DMD: variants seen among roughly 807,000 people sequenced by gnomAD.
DMD encodes the protein mutant dystrophin.
Under a neutral mutation model 330.1 loss-of-function variants are expected in DMD, and 63 were observed. The observed-to-expected ratio is 0.19, with a 90% CI of 0.16 to 0.24. DMD has a LOEUF of 0.24. DMD is among the 10% of genes least tolerant of loss of function. DMD has a pLI of 1.00. For synonymous variants in DMD, 1,223 were observed against 959.8 expected (o/e 1.27, Z -5.07); for missense variants, 3,344 against 2,684.1 (o/e 1.25, Z -5.43).
chrX:31,844,638 T>C (rs918520182), intron 48 of DMD, among the ~76,000 whole-genome samples: 1 of 111,988 alleles, frequency 8.9e-6, no homozygotes, highest in Non-Finnish European at 1.9e-5. Context: ...TTTAATGATA[T>C]TGATTCTTCC....
In DMD at chrX:31,120,673, T is replaced by TAAAG. The variant is rs1259930540; in HGVS notation, c.*1242_*1245dup. On this transcript the variant is annotated 3_prime_UTR_variant, in exon 79 of 79. Coordinates refer to ENST00000357033, the MANE Select transcript of DMD (RefSeq NM_004006.3). ...ATGAACAATCATCCAATCCTTCACT[T>TAAAG]AAAGAGTGGCCTACTCCTTCACAGG... 3.6e-5 allele frequency: 4 copies of TAAAG among 111,300 alleles called. No individual in the cohort carries two copies. Among genetic ancestry groups the TAAAG allele is most frequent in the Admixed American group, 9.6e-5 (1 of 10,407 alleles). 9.2% of individuals were successfully genotyped at this position (111,300 alleles called of 1,213,427 possible). A position where few individuals can be genotyped will look rare whatever the true frequency, so the allele number is the denominator to read the frequency against.
chrX:31,862,156 T>C (rs902809645), intron 48 of DMD, among the ~76,000 whole-genome samples: 1 of 110,660 alleles, frequency 9.0e-6, no homozygotes, highest in East Asian at 2.8e-4. Context: ...TTATTAAAGA[T>C]GGAGTCTTGC....
At chrX:31,123,069 A>T (rs1340614748) in intron 78 of DMD, among the ~76,000 whole-genome samples, 1 of 111,229 alleles carries the variant, frequency 9.0e-6, no homozygotes, top group Non-Finnish European at 1.9e-5. Context: ...ATACCAATAA[A>T]AATTAAAGAT....
chrX:31,934,386 A>G (rs755710), intron 45 of DMD, among the ~76,000 whole-genome samples: 10,539 of 111,549 alleles, frequency 0.094, 360 homozygotes, highest in African/African-American at 0.11. Context: ...GGGACACGTA[A>G]AGTTACATTC....
rs1054736719 is a variant in DMD at position 33,223,951 on chromosome X, T to C, written c.7+115308A>G. On this transcript the variant is annotated intron_variant, in intron 1 of 17. Transcript: ENST00000288447. The stretch of plus-strand genomic sequence containing the variant: ...TTAACAGATAACTCACCAAAGAAGA[T>C]ATACAGATGGAAAACAGGCGTATGA... Among the ~76,000 whole-genome samples, 3 of 112,201 alleles carry C rather than the reference T, an allele frequency of 2.7e-5. No individual in the cohort carries two copies. The Admixed American group carries it at 2.8e-4, about 11-fold the overall frequency.
At chrX:32,585,935 T>G (rs1162588909) in intron 13 of DMD, among the ~76,000 whole-genome samples, 1 of 109,647 alleles carries the variant, frequency 9.1e-6, no homozygotes, top group Non-Finnish European at 1.9e-5. Flanking sequence ...TAACACCCTA[T>G]TGGCCAAATG....
intron 2 of DMD, among the ~76,000 whole-genome samples, chrX:32,857,074 CAA>C (rs754732939): frequency 1.3e-5 from 1 of 77,706 alleles, no homozygotes; most frequent in African/African-American, 4.9e-5. Flanking sequence ...GACTGCGTCT[CAA>C]AAAAAAAAAA....
chrX:31,650,971 A>G (rs756149814), intron 54 of DMD, among the ~76,000 whole-genome samples: 2 of 112,039 alleles, frequency 1.8e-5, no homozygotes, highest in East Asian at 5.6e-4. Context: ...AAATCTACAA[A>G]GGATGAAGAG....
At chrX:32,514,235 G>GAA (rs35838995) in intron 18 of DMD, among the ~76,000 whole-genome samples, 10,680 of 77,091 alleles carry the variant, frequency 0.14, 711 homozygotes, top group Middle Eastern at 0.21. Flanking sequence ...AAGGCAGGTG[G>GAA]AAAAAAAAAA....
At chrX:31,759,785 A>T (rs1354877044) in intron 51 of DMD, among the ~76,000 whole-genome samples, 1 of 111,882 alleles carries the variant, frequency 8.9e-6, no homozygotes, top group African/African-American at 3.2e-5. Context: ...GGCTGCTTGG[A>T]CCCTGGTAGG....
At chrX:32,868,816 T>C (rs1367708025) in intron 2 of DMD, among the ~76,000 whole-genome samples, 4 of 112,086 alleles carry the variant, frequency 3.6e-5, no homozygotes, top group Non-Finnish European at 7.5e-5. Flanking sequence ...ACTTAGTCTT[T>C]ACCCTGCTGG....
At chrX:32,448,958 A>G (rs1006445941) in intron 26 of DMD, among the ~76,000 whole-genome samples, 1 of 111,206 alleles carries the variant, frequency 9.0e-6, no homozygotes, top group Non-Finnish European at 1.9e-5. Flanking sequence ...CAAGAAACAA[A>G]TATTTCAATA....
chrX:32,790,096 G>A (rs1288939626), intron 7 of DMD, among the ~76,000 whole-genome samples: 1 of 111,290 alleles, frequency 9.0e-6, no homozygotes, highest in African/African-American at 3.3e-5. Flanking sequence ...AAAAATCTGG[G>A]GCTTCAAAAT....
At chrX:32,224,927 A>G (rs1279376316) in intron 43 of DMD, among the ~76,000 whole-genome samples, 1 of 111,571 alleles carries the variant, frequency 9.0e-6, no homozygotes. Context: ...CACTTATTGC[A>G]TTCTGAATAA....
chrX:32,033,683 AAGAAAG>A (rs1290756141), intron 44 of DMD, among the ~76,000 whole-genome samples: 11 of 109,143 alleles, frequency 1.0e-4, no homozygotes, highest in African/African-American at 3.7e-4. Flanking sequence ...GAAGGAAAGA[AAGAAAG>A]AGAAAGAAAG....
Position 31,294,604 on chromosome X carries a change from C to CT in DMD, c.9224+28993dup, listed in dbSNP as rs996695798. On this transcript the variant is annotated intron_variant, in intron 62 of 78. Transcript: ENST00000357033. ...TTCCTCTTACATTTCACAATTTTAT[C>CT]TCCTCACATTTGAGTAAACGTACTT... is the stretch of plus-strand genomic sequence containing the variant. Among the ~76,000 whole-genome samples the CT allele has an allele frequency of 5.3e-5, 6 of 112,249 alleles. No homozygotes were observed. The Admixed American group carries it at 5.7e-4, about 11-fold the overall frequency.
chrX:32,854,734 C>A (rs907366369), intron 2 of DMD, among the ~76,000 whole-genome samples: 2 of 111,227 alleles, frequency 1.8e-5, no homozygotes, highest in African/African-American at 3.3e-5. Flanking sequence ...AAGCCCGAGA[C>A]CTGATGGCTT....
intron 18 of DMD, among the ~76,000 whole-genome samples, chrX:32,514,574 T>C (rs2045663594): frequency 9.0e-6 from 1 of 111,656 alleles, no homozygotes; most frequent in Non-Finnish European, 1.9e-5. Context: ...ACCCCGTCTC[T>C]ACTAAAAATA....
intron 59 of DMD, 62 bp downstream of exon 59, chrX:31,478,044 G>C (rs1384289138): frequency 8.6e-7 from 1 of 1,160,864 alleles, no homozygotes; most frequent in Admixed American, 2.3e-5. Flanking sequence ...CTGCACTCAA[G>C]TTCAGATTAG....
Sources: gnomAD v4.1 joint callset for allele counts (sites outside exome capture counted in the v4.1 genomes callset) on GRCh38, gnomAD v4.1.1 for gene constraint, MANE v1.5 for transcripts, NCBI Gene and HGNC (gene_info 2026-07-23, HGNC 2026-07-21) for gene names.